The following ADGRB3 variants were observed in gnomAD, a reference collection of about 807,000 sequenced individuals.
ADGRB3 encodes the protein brain-specific angiogenesis inhibitor 3.
A neutral mutation model predicts 193.4 loss-of-function variants in ADGRB3; 37 were observed. That is an observed-to-expected ratio of 0.19 (90% CI 0.15 to 0.25). The LOEUF (loss-of-function observed/expected upper bound fraction) is 0.25, where lower values mean the gene tolerates loss of function less well. Among genes scored for constraint, ADGRB3 ranks in the 10% least tolerant of loss-of-function variants. The pLI is 1.00. For synonymous variants in ADGRB3, 690 were observed against 644.2 expected, an observed-to-expected ratio of 1.07 and a Z score of -1.08; for missense variants, 1,637 against 1,852.9, an observed-to-expected ratio of 0.88 and a Z score of 2.14.
chr6:69,190,389 A>T (rs915794605), intron 17 of ADGRB3, among the ~76,000 whole-genome samples: 9 of 152,000 alleles, frequency 5.9e-5, no homozygotes, highest in African/African-American at 2.2e-4. Context: ...ACAAAAATTT[A>T]AAAATAAATA....
At chr6:68,659,018 G>A (rs918665628) in intron 3 of ADGRB3, among the ~76,000 whole-genome samples, 3 of 151,070 alleles carry the variant, frequency 2.0e-5, no homozygotes, top group African/African-American at 7.3e-5. Flanking sequence ...CTGGCTTAGA[G>A]AATATTTTAT....
chr6:68,936,615 A>G lies in ADGRB3; in HGVS notation c.965A>G (p.Tyr322Cys). 6.2e-7 allele frequency: 1 copy of G among 1,613,966 alleles called. No homozygotes were observed. The highest frequency in any genetic ancestry group is 8.5e-7 in the Non-Finnish European group (1 of 1,179,972). ...CGAACCAGAACTTGTGTATCACCTT[A>G]CGGGACACACTGCAGCGGCCCATTA... ...QVRTRTCVSP[Y>C]GTHCSGPLRE... The change falls in exon 5 of 32, where the codon TAC becomes TGC. Residue 322 changes from tyrosine to cysteine, a missense_variant. Physicochemically the swap from Tyr to Cys is radical, Grantham distance 194 (BLOSUM62 -2). Around this residue, in one of 7 missense-constraint regions of ADGRB3, gnomAD observed 365 missense variants for 409.8 expected, o/e 0.89. Coordinates refer to ENST00000370598, the MANE Select transcript of ADGRB3 (RefSeq NM_001704.3).
At chr6:68,770,261 GT>G (rs1361850263) in intron 3 of ADGRB3, among the ~76,000 whole-genome samples, 1 of 152,076 alleles carries the variant, frequency 6.6e-6, no homozygotes, top group African/African-American at 2.4e-5. Flanking sequence ...AAAATCACTG[GT>G]GTTGCAATTT....
chr6:68,750,806 C>G (rs1490728439), intron 3 of ADGRB3, among the ~76,000 whole-genome samples: 2 of 152,124 alleles, frequency 1.3e-5, no homozygotes, highest in Non-Finnish European at 2.9e-5. Context: ...AGCACATAAC[C>G]AAATATTACA....
At chr6:68,862,142 C>A (rs977539047) in intron 3 of ADGRB3, among the ~76,000 whole-genome samples, 20 of 114,682 alleles carry the variant, frequency 1.7e-4, no homozygotes, top group Admixed American at 9.1e-4. Flanking sequence ...CCCCCCCCCC[C>A]ACCCCAATTC....
At position 68,929,656 on chromosome 6, in the gene ADGRB3, A is replaced by G. The variant is rs142489494; in HGVS notation, c.758-903A>G. Among the ~76,000 whole-genome samples the G allele has an allele frequency of 9.9e-4, 150 of 152,210 alleles. 1 individual carries two copies. Among genetic ancestry groups the G allele is most frequent in the African/African-American group, 3.5e-3 (145 of 41,548 alleles). On this transcript the variant is annotated intron_variant, in intron 3 of 31. Coordinates refer to ENST00000370598, the MANE Select transcript of ADGRB3 (RefSeq NM_001704.3). ...AAACTCCTATGAGACAGAACCAACAACTATTCCATATATTAGGCTCTGATT... is the reference window on the plus strand; with the variant it reads ...AAACTCCTATGAGACAGAACCAACAGCTATTCCATATATTAGGCTCTGATT...
intron 17 of ADGRB3, among the ~76,000 whole-genome samples, chr6:69,150,213 C>G (rs371696215): frequency 6.6e-6 from 1 of 152,046 alleles, no homozygotes; most frequent in Non-Finnish European, 1.5e-5. Context: ...CCCCAGGTCC[C>G]AGTTGAGTCC....
chr6:69,303,717 C>T (rs1284573178), intron 20 of ADGRB3, among the ~76,000 whole-genome samples: 3 of 151,936 alleles, frequency 2.0e-5, no homozygotes, highest in Non-Finnish European at 2.9e-5. Flanking sequence ...CTCTCCTACA[C>T]AATCACAGAT....
intron 3 of ADGRB3, among the ~76,000 whole-genome samples, chr6:68,767,860 G>A (rs146048232): frequency 0.046 from 6,971 of 152,034 alleles, 320 homozygotes; most frequent in African/African-American, 0.12. Context: ...TACGAAATCA[G>A]TGTGCAAAAA....
At position 69,040,420 on chromosome 6, in the gene ADGRB3, A is replaced by T. The variant is rs1331727100; in HGVS notation, c.2108-7765A>T. Among the ~76,000 whole-genome samples, 3 of 137,266 alleles carry T rather than the reference A, an allele frequency of 2.2e-5. No homozygotes were observed. The East Asian group carries it at 6.4e-4, about 29-fold the overall frequency. The allele number at this position is 137,266 out of a possible 152,430, so 90.1% of individuals were successfully genotyped here. On this transcript the variant is annotated intron_variant, in intron 13 of 31. Transcript: ENST00000370598. ...CCTTCACGCAGGTGACTCCATTTCG[A>T]TTTAGACAACTTTCACAATATGTAA...
chr6:69,077,020 G>A (rs568571241), intron 17 of ADGRB3, among the ~76,000 whole-genome samples: 1 of 152,042 alleles, frequency 6.6e-6, no homozygotes, highest in South Asian at 2.1e-4. Context: ...GTCCTAGGAT[G>A]CTGATATAAT....
chr6:69,230,094 T>A (rs768725268), intron 17 of ADGRB3, among the ~76,000 whole-genome samples: 2 of 152,176 alleles, frequency 1.3e-5, no homozygotes, highest in African/African-American at 4.8e-5. Context: ...GCAAACATAG[T>A]TACATTTGAA....
chr6:68,653,321 A>G (rs1196764280), intron 3 of ADGRB3, among the ~76,000 whole-genome samples: 3 of 152,144 alleles, frequency 2.0e-5, no homozygotes, highest in African/African-American at 7.2e-5. Flanking sequence ...AGCCTAATCT[A>G]TCCTATTCTG....
chr6:69,357,257 G>T (rs564889839), intron 28 of ADGRB3, among the ~76,000 whole-genome samples: 3 of 152,120 alleles, frequency 2.0e-5, no homozygotes, highest in African/African-American at 7.2e-5. Flanking sequence ...TTCAGTACTA[G>T]TGTCAACTTA....
intron 3 of ADGRB3, among the ~76,000 whole-genome samples, chr6:68,776,206 G>A (rs1039632247): frequency 2.0e-5 from 3 of 152,194 alleles, no homozygotes; most frequent in Non-Finnish European, 4.4e-5. Flanking sequence ...AAATTAATGA[G>A]GTAAGGGACT....
chr6:68,682,604 CTA>C (rs1172064534), intron 3 of ADGRB3, among the ~76,000 whole-genome samples: 1 of 152,146 alleles, frequency 6.6e-6, no homozygotes, highest in Non-Finnish European at 1.5e-5. Context: ...ATTTATCAGA[CTA>C]TGCTGTTAGC....
intron 17 of ADGRB3, among the ~76,000 whole-genome samples, chr6:69,121,718 GCGCACC>G (rs1773694432): frequency 6.6e-6 from 1 of 150,604 alleles, no homozygotes. Context: ...CCGGGCAGAG[GCGCACC>G]TCACATCCCA....
At chr6:68,840,030 G>A (rs1768120317) in intron 3 of ADGRB3, among the ~76,000 whole-genome samples, 1 of 152,114 alleles carries the variant, frequency 6.6e-6, no homozygotes, top group Non-Finnish European at 1.5e-5. Flanking sequence ...TACCCAGAGG[G>A]GAATCGCCCA....
intron 19 of ADGRB3, among the ~76,000 whole-genome samples, chr6:69,236,648 T>G (rs987827533): frequency 2.0e-5 from 3 of 152,052 alleles, no homozygotes; most frequent in Non-Finnish European, 4.4e-5. Context: ...ACTAAATTCC[T>G]TTTATCAGCA....
Sources: gnomAD v4.1 joint callset for allele counts (sites outside exome capture counted in the v4.1 genomes callset) on GRCh38, gnomAD v4.1.1 for gene constraint, gnomAD v4.1.1 regional missense constraint, MANE v1.5 for transcripts, NCBI Gene and HGNC (gene_info 2026-07-23, HGNC 2026-07-21) for gene names.